Variants in MID2 observed in about 807,000 individuals in gnomAD.
MID2 encodes midline 2, also known as probable E3 ubiquitin-protein ligase MID2.
MID2 carries 13 observed loss-of-function variants against 46.1 expected under a neutral mutation model. That is an observed-to-expected ratio of 0.28 (90% confidence interval 0.18 to 0.45). MID2 has a LOEUF of 0.45. MID2 is among the 20% of genes least tolerant of loss of function. MID2 has a pLI of 1.00. For missense variants in MID2, 431 were observed against 575.4 expected, an observed-to-expected ratio of 0.75 and a Z score of 2.57; for synonymous variants, 199 against 212.3, an observed-to-expected ratio of 0.94 and a Z score of 0.55.
chrX:107,845,525 ACT>A (rs766707051), intron 2 of MID2, among the ~76,000 whole-genome samples: 218 of 72,749 alleles, frequency 3.0e-3, no homozygotes, highest in South Asian at 0.014. Flanking sequence ...ACACACACAC[ACT>A]CTCTCTCTCT....
At chrX:107,866,772 G>A (rs1476429155) in intron 3 of MID2, among the ~76,000 whole-genome samples, 1 of 112,326 alleles carries the variant, frequency 8.9e-6, no homozygotes, top group Non-Finnish European at 1.9e-5. Flanking sequence ...TGTAAGTGCT[G>A]TAGTAGTTCG....
In MID2 at chrX:107,905,529, C is replaced by T. The variant is rs771235505; in HGVS notation, c.976C>T (p.Leu326Phe). 5.0e-6 allele frequency: 6 copies of T among 1,205,972 alleles called. No homozygotes were observed. In the African/African-American group the frequency reaches 1.1e-4, roughly 21 times the overall value. ...GCAGGTTGCTAATTGCCGCCAGTGT[C>T]TTGAACGGTCAACAGTCCTCATCAA... The part of the protein sequence containing the change: ...AQQVANCRQC[L>F]ERSTVLINQA... The change falls in exon 5 of 10, where the codon CTT becomes TTT. Residue 326 changes from leucine (L) to phenylalanine (F), a missense_variant. Leu to Phe is a conservative substitution (Grantham distance 22). Coordinates refer to ENST00000262843, the MANE Select transcript of MID2 (RefSeq NM_012216.4).
At chrX:107,894,300 T>A (rs933009150) in intron 3 of MID2, among the ~76,000 whole-genome samples, 1 of 110,696 alleles carries the variant, frequency 9.0e-6, no homozygotes, top group African/African-American at 3.3e-5. Flanking sequence ...GTAAGTACAA[T>A]CTTTTATGCA....
At chrX:107,855,659 G>A (rs1931724566) in intron 3 of MID2, among the ~76,000 whole-genome samples, 1 of 112,099 alleles carries the variant, frequency 8.9e-6, no homozygotes. Flanking sequence ...CCAATCTATA[G>A]ATTCCTATTT....
chrX:107,855,219 T>C (rs1931716240), intron 3 of MID2, among the ~76,000 whole-genome samples: 1 of 111,697 alleles, frequency 9.0e-6, no homozygotes, highest in African/African-American at 3.3e-5. Context: ...CCTCACTCAT[T>C]ACCTTTCCAC....
intron 3 of MID2, among the ~76,000 whole-genome samples, chrX:107,879,352 T>C (rs1409160236): frequency 1.8e-5 from 2 of 111,374 alleles, no homozygotes; most frequent in Non-Finnish European, 3.8e-5. Flanking sequence ...GAAGGGGAGC[T>C]GAAAAGGGGA....
At chrX:107,894,460 C>G (rs1182310513) in intron 3 of MID2, 2 of 111,771 alleles carry the variant, frequency 1.8e-5, no homozygotes, top group Admixed American at 1.9e-4. Context: ...CAACGTCTCT[C>G]CAAATCTTTC....
At chrX:107,861,265 G>C (rs988581808) in intron 3 of MID2, among the ~76,000 whole-genome samples, 1 of 111,848 alleles carries the variant, frequency 8.9e-6, no homozygotes, top group African/African-American at 3.2e-5. Flanking sequence ...GAGGGAGAAG[G>C]TTCTACGCAA....
intron 1 of MID2, among the ~76,000 whole-genome samples, chrX:107,830,213 A>C (rs1931060731): frequency 3.6e-5 from 4 of 112,632 alleles, no homozygotes; most frequent in Admixed American, 1.9e-4. Context: ...CTTTTCAGAC[A>C]GGGACACAGA....
intron 3 of MID2, among the ~76,000 whole-genome samples, chrX:107,867,412 C>T (rs1023684706): frequency 1.3e-4 from 14 of 109,390 alleles, no homozygotes; most frequent in Non-Finnish European, 2.1e-4. Flanking sequence ...CCGCCCACCT[C>T]GGCCTCCCAA....
chrX:107,925,039 T>A (rs1010148869), intron 8 of MID2, among the ~76,000 whole-genome samples: 1 of 112,712 alleles, frequency 8.9e-6, no homozygotes, highest in African/African-American at 3.2e-5. Context: ...CCTGTGTGCA[T>A]TGGCTTCTTG....
chrX:107,830,581 T>C (rs1439605662), intron 1 of MID2, among the ~76,000 whole-genome samples: 1 of 112,259 alleles, frequency 8.9e-6, no homozygotes, highest in Admixed American at 9.4e-5. Flanking sequence ...TTCAAAATTG[T>C]TTACATTTTG....
At chrX:107,847,552 T>C (rs980199562) in intron 2 of MID2, among the ~76,000 whole-genome samples, 6 of 111,792 alleles carry the variant, frequency 5.4e-5, no homozygotes, top group Non-Finnish European at 1.1e-4. Flanking sequence ...GGTGGAGATG[T>C]CTTGAAGGAT....
intron 1 of MID2, among the ~76,000 whole-genome samples, chrX:107,828,870 C>T (rs1931027800): frequency 1.8e-5 from 2 of 111,813 alleles, no homozygotes; most frequent in African/African-American, 6.5e-5. Flanking sequence ...TTCTGTAAAC[C>T]CTCAGCATTA....
chrX:107,853,598 C>T (rs1254635117), intron 2 of MID2, among the ~76,000 whole-genome samples: 3 of 111,644 alleles, frequency 2.7e-5, no homozygotes, highest in African/African-American at 3.3e-5. Flanking sequence ...CCGTGCCTGG[C>T]TGATGTCCTC....
chrX:107,872,705 A>T (rs990254009), intron 3 of MID2, among the ~76,000 whole-genome samples: 1 of 112,241 alleles, frequency 8.9e-6, no homozygotes, highest in Non-Finnish European at 1.9e-5. Flanking sequence ...CTTTACCAGT[A>T]TTAGGTCCAC....
chrX:107,873,069 C>A (rs1170575028), intron 3 of MID2, among the ~76,000 whole-genome samples: 1 of 111,295 alleles, frequency 9.0e-6, no homozygotes, highest in East Asian at 2.8e-4. Flanking sequence ...ATGCCTAGTG[C>A]CTTTGAGACC....
At chrX:107,828,313 T>TTTC (rs1556355417) in intron 1 of MID2, among the ~76,000 whole-genome samples, 5 of 94,983 alleles carry the variant, frequency 5.3e-5, no homozygotes, top group African/African-American at 2.0e-4. Context: ...TTCTTTTCTT[T>TTTC]TTTTTTTTTT....
rs1218105174 is a variant in MID2 at position 107,905,704 on chromosome X, G to GTATC, written c.1073+81_1073+84dup. Reference sequence around the variant, plus strand: ...TTAAAGTCACTTAAAGTTCAGGCATGTATCTAACAGCTGCCACCTGAAGAT... The same window carrying GTATC: ...TTAAAGTCACTTAAAGTTCAGGCATGTATCTATCTAACAGCTGCCACCTGAAGAT... On this transcript the variant is annotated intron_variant, in intron 5 of 9. Transcript: ENST00000262843. 3.5e-6 allele frequency: 3 copies of GTATC among 846,064 alleles called. No individual in the cohort carries two copies. The African/African-American group carries it at 6.2e-5, about 17-fold the overall frequency. The allele number at this position is 846,064 out of a possible 1,213,427, so 69.7% of individuals were successfully genotyped here.
Sources: gnomAD v4.1 joint callset for allele counts (sites outside exome capture counted in the v4.1 genomes callset) on GRCh38, gnomAD v4.1.1 for gene constraint, MANE v1.5 for transcripts, NCBI Gene and HGNC (gene_info 2026-07-23, HGNC 2026-07-21) for gene names.